Variants in FLT1 observed in about 807,000 individuals in gnomAD.
The protein encoded by FLT1 is vascular endothelial growth factor receptor 1.
Under a neutral mutation model 156.3 loss-of-function variants are expected in FLT1, and 49 were observed. That is an observed-to-expected ratio of 0.31 (90% CI 0.25 to 0.40). The LOEUF (loss-of-function observed/expected upper bound fraction) is 0.40, where lower values mean the gene tolerates loss of function less well. Among genes scored for constraint, FLT1 ranks in the 10% least tolerant of loss-of-function variants. FLT1 has a pLI of 1.00. For missense variants in FLT1, 1,322 were observed against 1,637.2 expected, an observed-to-expected ratio of 0.81 and a Z score of 3.32; for synonymous variants, 594 against 583.8, an observed-to-expected ratio of 1.02 and a Z score of -0.25.
chr13:28,323,268 G>A (rs1422623950), intron 20 of FLT1, among the ~76,000 whole-genome samples: 1 of 152,144 alleles, frequency 6.6e-6, no homozygotes, highest in Non-Finnish European at 1.5e-5. Flanking sequence ...CTTGTTTAGT[G>A]TTTCCAACAA....
rs1228887320 is a variant in FLT1, at chr13:28,470,435, G to A, written c.65-2818C>T. The stretch of plus-strand genomic sequence containing the variant: ...GTTCATGTGCTGGAAAAGATCCATC[G>A]AAGCTTCCTGTGGAAACTTCTGGCA... On this transcript the variant is annotated intron_variant, in intron 1 of 29. Transcript: ENST00000282397. Among the ~76,000 whole-genome samples, 5 of 152,068 alleles carry A rather than the reference G, an allele frequency of 3.3e-5. No homozygotes were observed. The South Asian group carries it at 6.2e-4, about 19-fold the overall frequency.
intron 17 of FLT1, among the ~76,000 whole-genome samples, chr13:28,337,974 C>T (rs1872183814): frequency 2.0e-5 from 3 of 152,328 alleles, no homozygotes; most frequent in Admixed American, 6.5e-5. Context: ...GCAGAAGGAA[C>T]TCTTCCAGTG....
chr13:28,489,729 G>C (rs1479684762), intron 1 of FLT1, among the ~76,000 whole-genome samples: 1 of 152,276 alleles, frequency 6.6e-6, no homozygotes, highest in South Asian at 2.1e-4. Flanking sequence ...TGTGTAGCTG[G>C]AACCCAGTGT....
rs1329187961 is a variant in FLT1, at chr13:28,427,907, A to G, written c.1121T>C (p.Leu374Ser). ...GCGAGCAGATTTCTCAGTCGCAGGT[A>G]ACCCATCTTTTAACCTGTGGTTAAA... is the stretch of plus-strand genomic sequence containing the variant. Reference protein sequence around the residue: ...SPEVVWLKDGLPATEKSARYL... With the variant: ...SPEVVWLKDGSPATEKSARYL... The change falls in exon 9 of 30, where the codon TTA becomes TCA. Residue 374 changes from leucine (L) to serine (S), a missense_variant. Coordinates refer to ENST00000282397, the MANE Select transcript of FLT1 (RefSeq NM_002019.4). 1 of 1,613,776 alleles carries G rather than the reference A, an allele frequency of 6.2e-7. No individual in the cohort carries two copies. Among genetic ancestry groups the G allele is most frequent in the East Asian group, 2.2e-5 (1 of 44,892 alleles).
chr13:28,449,018 C>T (rs77176061), intron 3 of FLT1, among the ~76,000 whole-genome samples: 12,540 of 152,216 alleles, frequency 0.082, 608 homozygotes, highest in African/African-American at 0.12. Context: ...CGATGGCTCA[C>T]ACTTGTAATT....
intron 25 of FLT1, among the ~76,000 whole-genome samples, chr13:28,313,460 A>C (rs7999362): frequency 1 from 151,526 of 152,254 alleles, 75,402 homozygotes; most frequent in Middle Eastern, 1. Context: ...TTATATGTTA[A>C]CTCTTCTCTC....
intron 14 of FLT1, among the ~76,000 whole-genome samples, chr13:28,375,099 A>C (rs1873786807): frequency 6.6e-6 from 1 of 152,204 alleles, no homozygotes; most frequent in African/African-American, 2.4e-5. Context: ...GCAAAGCTTT[A>C]GGATAGGATA....
chr13:28,390,503 C>A (rs918035909), intron 12 of FLT1, among the ~76,000 whole-genome samples: 1 of 152,162 alleles, frequency 6.6e-6, no homozygotes, highest in Non-Finnish European at 1.5e-5. Context: ...TCAAGCGATT[C>A]TCCTGCCTCA....
intron 3 of FLT1, among the ~76,000 whole-genome samples, chr13:28,461,072 A>C (rs1477312915): frequency 1.3e-5 from 2 of 151,662 alleles, no homozygotes; most frequent in African/African-American, 4.8e-5. Context: ...TCCTGAGCTC[A>C]AGTGATCCTC....
intron 3 of FLT1, among the ~76,000 whole-genome samples, chr13:28,444,094 G>C (rs1267751203): frequency 6.6e-6 from 1 of 152,126 alleles, no homozygotes; most frequent in Non-Finnish European, 1.5e-5. Flanking sequence ...GAATCAAAGG[G>C]AGAAATAGAC....
chr13:28,372,019 G>GGTGTGTGTGTGTGTGT (rs142534765), intron 14 of FLT1, among the ~76,000 whole-genome samples: 3 of 24,728 alleles, frequency 1.2e-4, no homozygotes, highest in African/African-American at 3.8e-4. Flanking sequence ...ATAAATCATT[G>GGTGTGTGTGTGTGTGT]GTGTGTGTGT....
intron 10 of FLT1, among the ~76,000 whole-genome samples, chr13:28,407,435 G>A (rs1875880596): frequency 6.6e-6 from 1 of 151,300 alleles, no homozygotes; most frequent in Admixed American, 6.6e-5. Flanking sequence ...CCAAATGAAG[G>A]ATTTCTGTGT....
intron 14 of FLT1, among the ~76,000 whole-genome samples, chr13:28,374,108 A>G (rs891521471): frequency 6.6e-6 from 1 of 152,196 alleles, no homozygotes; most frequent in Non-Finnish European, 1.5e-5. Context: ...GATAGTGGTG[A>G]TGGTTTTGCA....
chr13:28,431,269 G>C lies in FLT1; in HGVS notation c.855C>G (p.Ser285Arg), dbSNP rs201208741. ...TGTAGAATATGTTGGCATGGGAATT[G>C]CTTTGGTCAATTCGTCGCCTTACGG... ...RASVRRRIDQ[S>R]NSHANIFYSV... Residue 285 changes from serine (S) to arginine (R), a missense_variant, in exon 7 of 30, where the codon AGC becomes AGG. Coordinates refer to ENST00000282397, the MANE Select transcript of FLT1 (RefSeq NM_002019.4). 8.7e-6 allele frequency: 14 copies of C among 1,613,754 alleles called. No individual in the cohort carries two copies. In the Admixed American group the frequency reaches 1.2e-4, roughly 13 times the overall value.
intron 1 of FLT1, among the ~76,000 whole-genome samples, chr13:28,482,578 A>C (rs1880923743): frequency 6.6e-6 from 1 of 152,174 alleles, no homozygotes; most frequent in South Asian, 2.1e-4. Flanking sequence ...CTCCCCTCCT[A>C]AGTTTGTATT....
At chr13:28,444,022 C>T (rs1190546943) in intron 3 of FLT1, among the ~76,000 whole-genome samples, 1 of 152,102 alleles carries the variant, frequency 6.6e-6, no homozygotes, top group African/African-American at 2.4e-5. Context: ...GAAGATATAA[C>T]AATTAAAAAC....
At chr13:28,327,575 A>G in intron 19 of FLT1, 25 bp from the exon 20 acceptor site, 2 of 1,504,078 alleles carry the variant, frequency 1.3e-6, no homozygotes, top group Non-Finnish European at 1.9e-6. Flanking sequence ...GCACATGCTC[A>G]TGCTCAGCCA....
At chr13:28,405,032 A>AG (rs1213525010) in intron 11 of FLT1, among the ~76,000 whole-genome samples, 2 of 149,902 alleles carry the variant, frequency 1.3e-5, no homozygotes, top group African/African-American at 4.8e-5. Flanking sequence ...AAAAAAAAAA[A>AG]AAAAGAAAAG....
intron 14 of FLT1, among the ~76,000 whole-genome samples, chr13:28,360,450 T>C (rs1873071787): frequency 6.6e-6 from 1 of 152,192 alleles, no homozygotes; most frequent in Admixed American, 6.5e-5. Context: ...TGTCCATCAA[T>C]GGATGAATAG....
Sources: gnomAD v4.1 joint callset for allele counts (sites outside exome capture counted in the v4.1 genomes callset) on GRCh38, gnomAD v4.1.1 for gene constraint, MANE v1.5 for transcripts, NCBI Gene and HGNC (gene_info 2026-07-23, HGNC 2026-07-21) for gene names.